Variants in WDR27 observed in about 807,000 individuals in gnomAD.
WDR27 encodes the protein WD repeat-containing protein 27.
A neutral mutation model predicts 114.4 loss-of-function variants in WDR27; 100 were observed. The ratio of observed to expected loss-of-function variants is 0.87; its 90% CI spans 0.74 to 1.03. The LOEUF is 1.03. Among genes scored for constraint, WDR27 ranks in the 50% least tolerant of loss-of-function variants. The probability of loss-of-function intolerance (pLI) is 0.00; values close to 1 mark genes in which losing one functional copy is unlikely to be tolerated. For synonymous variants in WDR27, 449 were observed against 423.1 expected, an observed-to-expected ratio of 1.06 and a Z score of -0.75; for missense variants, 1,129 against 1,092.9, an observed-to-expected ratio of 1.03 and a Z score of -0.47.
chr6:169,696,840 G>A (rs1317292906), intron 1 of WDR27, among the ~76,000 whole-genome samples: 28 of 152,202 alleles, frequency 1.8e-4, no homozygotes. Flanking sequence ...CTTGAACCCG[G>A]GAGGCGGAGG....
chr6:169,648,845 C>T (rs888044511), intron 15 of WDR27, among the ~76,000 whole-genome samples: 2 of 152,236 alleles, frequency 1.3e-5, no homozygotes, highest in Admixed American at 6.5e-5. Context: ...GCGTGGGCCA[C>T]GCCCACTCAG....
chr6:169,445,634 T>C, the WDR27 span, among the ~76,000 whole-genome samples: 1 of 152,232 alleles, frequency 6.6e-6, no homozygotes, highest in Non-Finnish European at 1.5e-5. Flanking sequence ...GGAGCTTTCC[T>C]GTCAGTCCCT....
At chr6:169,510,449 C>T (rs1284630991) in intron 25 of WDR27, among the ~76,000 whole-genome samples, 1 of 151,888 alleles carries the variant, frequency 6.6e-6, no homozygotes, top group Admixed American at 6.6e-5. Flanking sequence ...TACTATGCAG[C>T]CATAAAAAAT....
chr6:169,580,594 G>GTGGT (rs1214873832), intron 24 of WDR27, among the ~76,000 whole-genome samples: 1 of 152,156 alleles, frequency 6.6e-6, no homozygotes, highest in African/African-American at 2.4e-5. Context: ...TGTCCTGCCT[G>GTGGT]TGGTTATTTC....
At chr6:169,529,099 G>A (rs1361328819) in intron 25 of WDR27, among the ~76,000 whole-genome samples, 2 of 152,126 alleles carry the variant, frequency 1.3e-5, no homozygotes, top group African/African-American at 2.4e-5. Context: ...AATAGAACAT[G>A]AATCAGATAA....
At chr6:169,453,880 T>G (rs764403387), downstream of WDR27, among the ~76,000 whole-genome samples, 82 of 152,296 alleles carry the variant, frequency 5.4e-4, no homozygotes, top group Non-Finnish European at 9.0e-4. Flanking sequence ...ATCACCAACA[T>G]TAACTGTCAG....
At chr6:169,646,603 C>A (rs1198474403) in intron 16 of WDR27, among the ~76,000 whole-genome samples, 1 of 152,018 alleles carries the variant, frequency 6.6e-6, no homozygotes, top group African/African-American at 2.4e-5. Flanking sequence ...CAAAAATTAG[C>A]CAGGCATGGT....
At chr6:169,605,608 A>T (rs1206307356) in intron 22 of WDR27, among the ~76,000 whole-genome samples, 1 of 145,660 alleles carries the variant, frequency 6.9e-6, no homozygotes, top group African/African-American at 2.5e-5. Context: ...AAAAAAAAAC[A>T]CCCTAAACTT....
Position 169,694,215 on chromosome 6 carries a change from G to A in WDR27, c.-7-5203C>T, listed in dbSNP as rs557500577. Among the ~76,000 whole-genome samples the A allele has an allele frequency of 2.6e-5, 4 of 152,052 alleles. 1 individual carries two copies. In the East Asian group the frequency reaches 7.7e-4, roughly 29 times the overall value. Reference sequence around the variant, plus strand: ...CCCAGCTACTCAGGAGGCTGAGGCAGGAGTATCATCATTTTAACCTGGGAG... The same window carrying A: ...CCCAGCTACTCAGGAGGCTGAGGCAAGAGTATCATCATTTTAACCTGGGAG... On this transcript the variant is annotated intron_variant, in intron 1 of 25. Transcript: ENST00000448612.
At chr6:169,686,601 C>G (rs972818184) in intron 2 of WDR27, among the ~76,000 whole-genome samples, 1 of 151,980 alleles carries the variant, frequency 6.6e-6, no homozygotes, top group South Asian at 2.1e-4. Context: ...CAAAAGCAAG[C>G]AGGAGTAGCT....
At chr6:169,447,181 A>G in the WDR27 span, among the ~76,000 whole-genome samples, 1 of 152,194 alleles carries the variant, frequency 6.6e-6, no homozygotes, top group South Asian at 2.1e-4. Context: ...CTAACTACAC[A>G]TGACTGGAAA....
the WDR27 span, among the ~76,000 whole-genome samples, chr6:169,429,068 C>T: frequency 6.6e-6 from 1 of 152,114 alleles, no homozygotes; most frequent in Admixed American, 6.5e-5. Context: ...TGGATCTTGC[C>T]CTCAGCAGCC....
chr6:169,448,852 C>T, the WDR27 span, among the ~76,000 whole-genome samples: 3 of 152,184 alleles, frequency 2.0e-5, no homozygotes, highest in Admixed American at 2.0e-4. Flanking sequence ...GGCTCTAACC[C>T]ATGTCCAGAG....
At chr6:169,472,771 G>T (rs1786602267) in intron 25 of WDR27, among the ~76,000 whole-genome samples, 1 of 152,084 alleles carries the variant, frequency 6.6e-6, no homozygotes, top group South Asian at 2.1e-4. Flanking sequence ...TTATTTCAAG[G>T]CTAAAAAACA....
At chr6:169,586,478 G>C (rs1317908552) in intron 23 of WDR27, among the ~76,000 whole-genome samples, 1 of 152,066 alleles carries the variant, frequency 6.6e-6, no homozygotes, top group Admixed American at 6.5e-5. Context: ...ACAGATGTTT[G>C]GGGGCAAGAC....
chr6:169,643,738 AC>A lies in WDR27; in HGVS notation c.1705del (p.Val569PhefsTer6). Reference protein sequence around the residue: ...ACGLANHLLLVFDASLTGTPA... With the variant: ...ACGLANHLLLXFDASLTGTPA... ...TGTCCCAGTCAGGCTGGCATCAAAAACGAGTAACAGATGGTTGGCCAACCCA... is the reference window on the plus strand; with the variant it reads ...TGTCCCAGTCAGGCTGGCATCAAAAAGAGTAACAGATGGTTGGCCAACCCA... On this transcript the variant is annotated frameshift_variant, in exon 17 of 26. Transcript: ENST00000448612. LOFTEE classifies it high-confidence loss of function. 1 of 1,613,760 alleles carries A rather than the reference AC, an allele frequency of 6.2e-7. No individual in the cohort carries two copies.
intron 20 of WDR27, among the ~76,000 whole-genome samples, chr6:169,633,282 G>C (rs1816862763): frequency 6.6e-6 from 1 of 152,216 alleles, no homozygotes; most frequent in Non-Finnish European, 1.5e-5. Context: ...GTGGACGGGG[G>C]TGGGGGAGGG....
At chr6:169,452,172 C>A in the WDR27 span, among the ~76,000 whole-genome samples, 1 of 152,212 alleles carries the variant, frequency 6.6e-6, no homozygotes, top group Non-Finnish European at 1.5e-5. Context: ...GTCAGTAAGG[C>A]CCCACTTCGG....
intron 2 of WDR27, among the ~76,000 whole-genome samples, chr6:169,674,952 TTGAGCCAGGA>T (rs1272432798): frequency 2.0e-5 from 3 of 152,232 alleles, no homozygotes; most frequent in Middle Eastern, 3.4e-3. Flanking sequence ...GGGGGAGCTT[TTGAGCCAGGA>T]TGAGCCAGGA....
Sources: allele counts gnomAD v4.1 joint callset (sites outside exome capture counted in the v4.1 genomes callset), GRCh38; gene constraint gnomAD v4.1.1; transcripts MANE v1.5; gene names NCBI Gene and HGNC (gene_info 2026-07-23, HGNC 2026-07-21).